Variants in INTS9 observed in about 807,000 individuals in gnomAD.
The protein encoded by INTS9 is protein related to CPSF subunits of 74 kDa.
INTS9 carries 55 observed loss-of-function variants against 79.7 expected under a neutral mutation model. The ratio of observed to expected loss-of-function variants is 0.69; its 90% CI spans 0.56 to 0.86. The LOEUF is 0.86. INTS9 is among the 40% of genes least tolerant of loss of function. The probability of loss-of-function intolerance (pLI) is 0.00; values close to 1 mark genes in which losing one functional copy is unlikely to be tolerated. For synonymous variants in INTS9, 319 were observed against 325.2 expected (o/e 0.98, Z 0.20); for missense variants, 721 against 831.5 (o/e 0.87, Z 1.64).
chr8:28,850,180 A>T, intron 3 of INTS9, 33 bp downstream of exon 3: 1 of 1,570,780 alleles, frequency 6.4e-7, no homozygotes. Context: ...CACTGGCTGT[A>T]GATAGGCTTT....
At chr8:28,835,902 G>A (rs1482510377) in intron 5 of INTS9, among the ~76,000 whole-genome samples, 3 of 151,776 alleles carry the variant, frequency 2.0e-5, no homozygotes, top group Admixed American at 6.6e-5. Flanking sequence ...TCCGCCTCCC[G>A]GGTTCAAGGG....
At chr8:28,873,932 T>C (rs993279499) in intron 1 of INTS9, among the ~76,000 whole-genome samples, 2 of 152,246 alleles carry the variant, frequency 1.3e-5, no homozygotes. Flanking sequence ...TCTCATACTA[T>C]ATCATCAACT....
At chr8:28,822,004 C>G (rs1007256405) in intron 6 of INTS9, among the ~76,000 whole-genome samples, 1 of 151,996 alleles carries the variant, frequency 6.6e-6, no homozygotes, top group Non-Finnish European at 1.5e-5. Flanking sequence ...TGGACTCAAG[C>G]GATCTGCCCG....
At chr8:28,816,826 A>G (rs1275343658) in intron 6 of INTS9, among the ~76,000 whole-genome samples, 6 of 151,712 alleles carry the variant, frequency 4.0e-5, no homozygotes, top group African/African-American at 1.5e-4. Context: ...TTGTTTCCTG[A>G]CTTTTTAATG....
intron 12 of INTS9, among the ~76,000 whole-genome samples, chr8:28,779,503 C>T (rs974064286): frequency 6.6e-6 from 1 of 152,168 alleles, no homozygotes; most frequent in African/African-American, 2.4e-5. Context: ...ACACGGAACA[C>T]AGAACTTTCC....
intron 11 of INTS9, among the ~76,000 whole-genome samples, chr8:28,786,491 C>A (rs1803598903): frequency 6.6e-6 from 1 of 151,994 alleles, no homozygotes; most frequent in Non-Finnish European, 1.5e-5. Context: ...CAGGGTTTTG[C>A]CATGATGTCA....
At position 28,835,305 on chromosome 8, in the gene INTS9, T is replaced by C. The variant is rs1378770592; in HGVS notation, c.475A>G (p.Lys159Glu). 6.2e-7 allele frequency: 1 copy of C among 1,613,318 alleles called. No homozygotes were observed. The highest frequency in any genetic ancestry group is 1.7e-5 in the Admixed American group (1 of 59,996). ...TCTGTTCCTCACCTCTGAATGTCCTTATTCTTCCACAAGGAGGCAGACTGA... is the reference window on the plus strand; with the variant it reads ...TCTGTTCCTCACCTCTGAATGTCCTCATTCTTCCACAAGGAGGCAGACTGA... ...KAQSASLWKN[K>E]DIQRLLPSPL... Residue 159 changes from lysine to glutamate, a missense_variant, in exon 6 of 17, where the codon AAG becomes GAG. Lys to Glu is a moderately conservative substitution (Grantham distance 56). Transcript: ENST00000521022.
Position 28,777,057 on chromosome 8 carries a change from C to G in INTS9, c.1395+772G>C, listed in dbSNP as rs73669442. Among the ~76,000 whole-genome samples the G allele has an allele frequency of 1.8e-3, 267 of 152,238 alleles. 1 individual carries two copies. The highest frequency in any genetic ancestry group is 5.9e-3 in the African/African-American group (246 of 41,538). On this transcript the variant is annotated intron_variant, in intron 13 of 16. Transcript: ENST00000521022. ...ATCACCAGAATCCGCTCTTGGGGCC[C>G]TCCTGGGGTTCTCCGGCTTTCTCTG... is the stretch of plus-strand genomic sequence containing the variant.
chr8:28,854,642 C>G (rs1405862253), intron 2 of INTS9, among the ~76,000 whole-genome samples: 2 of 152,126 alleles, frequency 1.3e-5, no homozygotes, highest in African/African-American at 2.4e-5. Flanking sequence ...GGTGATAGGA[C>G]TAGGTGCCAG....
At chr8:28,776,010 T>C (rs912632710) in intron 13 of INTS9, 84 bp from the exon 14 acceptor site, 2 of 1,089,436 alleles carry the variant, frequency 1.8e-6, no homozygotes, top group East Asian at 3.0e-5. Flanking sequence ...CCCGATCCAC[T>C]CCCCGCCATT....
At position 28,796,541 on chromosome 8, in the gene INTS9, C is replaced by G; in HGVS notation, c.856+3G>C. 1.3e-6 allele frequency: 2 copies of G among 1,558,616 alleles called. No individual in the cohort carries two copies. The highest frequency in any genetic ancestry group is 1.8e-6 in the Non-Finnish European group (2 of 1,129,422). ...CAACGTAAGATGAGAGACGGTTGCA[C>G]ACCTAGGTTGCTGCAGAACTCTCCC... is the stretch of plus-strand genomic sequence containing the variant. On this transcript the variant is annotated splice_donor_region_variant and intron_variant, in intron 9 of 16. Coordinates refer to ENST00000521022, the MANE Select transcript of INTS9 (RefSeq NM_018250.4).
chr8:28,838,038 A>C (rs1806916173), intron 4 of INTS9, among the ~76,000 whole-genome samples: 1 of 152,040 alleles, frequency 6.6e-6, no homozygotes, highest in Admixed American at 6.5e-5. Context: ...CTTCTGAATT[A>C]GACTTATGAG....
At chr8:28,791,779 C>CA (rs1803932766) in intron 10 of INTS9, among the ~76,000 whole-genome samples, 1 of 152,070 alleles carries the variant, frequency 6.6e-6, no homozygotes, top group African/African-American at 2.4e-5. Flanking sequence ...TGGATTTAAG[C>CA]AAATAGAACT....
At chr8:28,887,050 GAC>G (rs1316509836) in intron 1 of INTS9, among the ~76,000 whole-genome samples, 2 of 152,154 alleles carry the variant, frequency 1.3e-5, no homozygotes, top group African/African-American at 4.8e-5. Context: ...GGGGAGGACA[GAC>G]ACACGCCAAT....
At chr8:28,837,573 G>A (rs1327673406) in intron 5 of INTS9, 64 bp downstream of exon 5, 2 of 1,544,922 alleles carry the variant, frequency 1.3e-6, no homozygotes, top group African/African-American at 2.7e-5. Context: ...TACTGTGATA[G>A]CGTCATCACT....
At position 28,770,084 on chromosome 8, in the gene INTS9, G is replaced by A. The variant is rs937464585; in HGVS notation, c.1663-58C>T. 2.5e-5 allele frequency: 40 copies of A among 1,584,554 alleles called. No individual in the cohort carries two copies. In the Middle Eastern group the frequency reaches 1.0e-3, roughly 40 times the overall value. On this transcript the variant is annotated intron_variant, in intron 15 of 16. Coordinates refer to ENST00000521022, the MANE Select transcript of INTS9 (RefSeq NM_018250.4). ...CTTCCTCTGAGCAGCAGGGGCCACCGCAGGCCACACTGAGAGCCTGAGACT... is the reference window on the plus strand; with the variant it reads ...CTTCCTCTGAGCAGCAGGGGCCACCACAGGCCACACTGAGAGCCTGAGACT...
chr8:28,837,516 C>T (rs1806873342), intron 5 of INTS9, 121 bp downstream of exon 5: 10 of 1,065,314 alleles, frequency 9.4e-6, no homozygotes, highest in Non-Finnish European at 1.3e-5. Context: ...CCTGCCTGTT[C>T]TTTGGGTTAG....
In INTS9 at chr8:28,855,819, G is replaced by A. The variant is rs193095619; in HGVS notation, c.137+3617C>T. 1.4e-3 allele frequency among the ~76,000 whole-genome samples: 218 copies of A among 152,298 alleles called. 1 individual carries two copies. The highest frequency in any genetic ancestry group is 6.8e-3 in the South Asian group (33 of 4,826). On this transcript the variant is annotated intron_variant, in intron 2 of 16. Coordinates refer to ENST00000521022, the MANE Select transcript of INTS9 (RefSeq NM_018250.4). Reference sequence around the variant, plus strand: ...TCTCTGATTTTGATTTTTGTACCATGGTTATGTTAGAGGATGTCCTTGCTC... The same window carrying A: ...TCTCTGATTTTGATTTTTGTACCATAGTTATGTTAGAGGATGTCCTTGCTC...
intron 1 of INTS9, among the ~76,000 whole-genome samples, chr8:28,888,371 G>T (rs1810275160): frequency 6.6e-6 from 1 of 152,110 alleles, no homozygotes; most frequent in Non-Finnish European, 1.5e-5. Context: ...GGGCAACATG[G>T]TTAAACCCCA....
Sources: gnomAD v4.1 joint callset for allele counts (sites outside exome capture counted in the v4.1 genomes callset) on GRCh38, gnomAD v4.1.1 for gene constraint, MANE v1.5 for transcripts, NCBI Gene and HGNC (gene_info 2026-07-23, HGNC 2026-07-21) for gene names.